The following MEA1 variants were observed in gnomAD, a reference collection of about 807,000 sequenced individuals.
MEA1 encodes male-enhanced antigen 1.
Under a neutral mutation model 21.4 loss-of-function variants are expected in MEA1, and 22 were observed. The observed-to-expected ratio is 1.03, with a 90% confidence interval of 0.73 to 1.47. MEA1 has a LOEUF of 1.47. Among genes scored for constraint, MEA1 ranks in the 40% most tolerant of loss-of-function variants. The pLI is 0.00. For synonymous variants in MEA1, 91 were observed against 85.5 expected (o/e 1.06, Z -0.35); for missense variants, 233 against 230.5 (o/e 1.01, Z -0.07).
intron 3 of MEA1, 137 bp from the exon 4 acceptor site, chr6:43,012,758 A>G: frequency 2.4e-6 from 3 of 1,245,404 alleles, no homozygotes; most frequent in Admixed American, 2.4e-5. Context: ...AAGCCTGCCC[A>G]TCCCCAAAGC....
chr6:43,015,136 T>G (rs1310752595), upstream of MEA1, among the ~76,000 whole-genome samples: 1 of 152,184 alleles, frequency 6.6e-6, no homozygotes, highest in Non-Finnish European at 1.5e-5. Flanking sequence ...ATGGAAGACT[T>G]CCATTCTTAA....
chr6:43,011,337 G>A lies in MEA1; in HGVS notation c.*1133C>T. On this transcript the variant is annotated 3_prime_UTR_variant, in exon 4 of 4. Coordinates refer to ENST00000244711, the MANE Select transcript of MEA1 (RefSeq NM_014623.4). ...ACAGCCCACACAGCCCTGGGACACT[G>A]CCCTGGCCCTCCATACTCTGCTCCC... 6.2e-7 allele frequency: 1 copy of A among 1,608,662 alleles called. No individual in the cohort carries two copies. The highest frequency in any genetic ancestry group is 8.5e-7 in the Non-Finnish European group (1 of 1,177,636).
Position 43,013,159 on chromosome 6 carries a change from C to T in MEA1, c.259G>A (p.Val87Met). 3.7e-6 allele frequency: 6 copies of T among 1,614,178 alleles called. No homozygotes were observed. Among genetic ancestry groups the T allele is most frequent in the Non-Finnish European group, 5.1e-6 (6 of 1,180,038 alleles). Residue 87 changes from valine (V) to methionine (M), a missense_variant, in exon 2 of 4, where the codon GTG becomes ATG. Transcript: ENST00000244711. ...TCAGCAACTACATCTCCATCCCCCA[C>T]TGGTGCCAGTTCCACCTCCTCTTGT... ...PEQEEVELAPVGDGDVVADIQ... is the reference protein window; with the variant it reads ...PEQEEVELAPMGDGDVVADIQ...
chr6:43,012,850 C>A (rs1343491572), intron 3 of MEA1, 76 bp downstream of exon 3: 2 of 1,427,948 alleles, frequency 1.4e-6, no homozygotes, highest in South Asian at 1.1e-5. Context: ...GGGTCTTCCT[C>A]TGAAACTTCC....
At position 43,012,451 on chromosome 6, in the gene MEA1, A is replaced by G. The variant is rs761990742; in HGVS notation, c.*19T>C. ...GTTCTGGCCTGGAATGTAGGAATAT[A>G]AGGCAGCTCTCACTGTGGTCACTTC... On this transcript the variant is annotated 3_prime_UTR_variant, in exon 4 of 4. Coordinates refer to ENST00000244711, the MANE Select transcript of MEA1 (RefSeq NM_014623.4). 29 of 1,575,910 alleles carry G rather than the reference A, an allele frequency of 1.8e-5. No individual in the cohort carries two copies. The highest frequency in any genetic ancestry group is 2.1e-5 in the Non-Finnish European group (25 of 1,163,334).
At chr6:43,014,196 T>G, upstream of MEA1, 1 of 1,358,556 alleles carries the variant, frequency 7.4e-7, no homozygotes, top group Non-Finnish European at 9.7e-7. Flanking sequence ...GGCACTTAGC[T>G]ACGACTGCAC....
At position 43,013,819 on chromosome 6, in the gene MEA1, C is replaced by A; in HGVS notation, c.-6G>T. On this transcript the variant is annotated 5_prime_UTR_variant, in exon 1 of 4. Coordinates refer to ENST00000244711, the MANE Select transcript of MEA1 (RefSeq NM_014623.4). Reference sequence around the variant, plus strand: ...AGATGCCTTTCAGGCCCCATGGGCTCCCCTCAAATGGCCCCAGCTGCAGCG... The same window carrying A: ...AGATGCCTTTCAGGCCCCATGGGCTACCCTCAAATGGCCCCAGCTGCAGCG... The A allele has an allele frequency of 6.2e-7, 1 of 1,606,242 alleles. No homozygotes were observed.
chr6:43,015,852 TAAA>T (rs561042959), upstream of MEA1, among the ~76,000 whole-genome samples: 7 of 100,552 alleles, frequency 7.0e-5, no homozygotes, highest in South Asian at 3.7e-4. Flanking sequence ...AGACTTCATC[TAAA>T]AAAAAAAAAA....
In MEA1 at chr6:43,011,556, G is replaced by A. The variant is rs1370513727; in HGVS notation, c.*914C>T. On this transcript the variant is annotated 3_prime_UTR_variant, in exon 4 of 4. Coordinates refer to ENST00000244711, the MANE Select transcript of MEA1 (RefSeq NM_014623.4). ...ACCTGGGGATGCCTGTCCCCTACCT[G>A]CTCCTCACCCACAGCTACCTGAGGC... 6 of 514,888 alleles carry A rather than the reference G, an allele frequency of 1.2e-5. No individual in the cohort carries two copies. Among genetic ancestry groups the A allele is most frequent in the Non-Finnish European group, 2.1e-5 (6 of 285,490 alleles). 31.9% of individuals were successfully genotyped at this position (514,888 alleles called of 1,614,324 possible).
chr6:43,013,445 ATCC>A, intron 1 of MEA1, 56 bp from the exon 2 acceptor site: 1 of 1,572,978 alleles, frequency 6.4e-7, no homozygotes, highest in Non-Finnish European at 8.6e-7. Flanking sequence ...GCCCATCTTC[ATCC>A]TCTCATCATC....
Position 43,012,110 on chromosome 6 carries a change from T to G in MEA1, c.*360A>C. 5.3e-6 allele frequency: 4 copies of G among 749,824 alleles called. No homozygotes were observed. The highest frequency in any genetic ancestry group is 6.6e-6 in the Non-Finnish European group (4 of 609,306). The allele number at this position is 749,824 out of a possible 1,614,324, so 46.4% of individuals were successfully genotyped here. ...AAGCATGGCTCCTGCCAACACCTAT[T>G]TATTTCCTTGTTTGTGCTATGCTGG... is the stretch of plus-strand genomic sequence containing the variant. On this transcript the variant is annotated 3_prime_UTR_variant, in exon 4 of 4. Coordinates refer to ENST00000244711, the MANE Select transcript of MEA1 (RefSeq NM_014623.4).
chr6:43,012,793 C>T, intron 3 of MEA1, 133 bp downstream of exon 3: 1 of 1,232,572 alleles, frequency 8.1e-7, no homozygotes, highest in South Asian at 1.4e-5. Context: ...TTCACTTGGA[C>T]TCTGAAGTCT....
At chr6:43,013,421 T>C (rs773425419) in intron 1 of MEA1, 32 bp from the exon 2 acceptor site, 1 of 1,603,854 alleles carries the variant, frequency 6.2e-7, no homozygotes, top group South Asian at 1.1e-5. Context: ...AGGACAGGGA[T>C]CGGATGAAAC....
At position 43,012,164 on chromosome 6, in the gene MEA1, C is replaced by T. The variant is rs563912683; in HGVS notation, c.*306G>A. On this transcript the variant is annotated 3_prime_UTR_variant, in exon 4 of 4. Coordinates refer to ENST00000244711, the MANE Select transcript of MEA1 (RefSeq NM_014623.4). Reference sequence around the variant, plus strand: ...GGCCTTCTCTTGTCCCTTATAGGTACCTTGGAGGGGCCAGGGGCTGAGGAA... The same window carrying T: ...GGCCTTCTCTTGTCCCTTATAGGTATCTTGGAGGGGCCAGGGGCTGAGGAA... 741 of 1,080,696 alleles carry T rather than the reference C, an allele frequency of 6.9e-4. No homozygotes were observed. Among genetic ancestry groups the T allele is most frequent in the Non-Finnish European group, 8.0e-4 (714 of 888,786 alleles). 66.9% of individuals were successfully genotyped at this position (1,080,696 alleles called of 1,614,324 possible). A position where few individuals can be genotyped will look rare whatever the true frequency, so the allele number is the denominator to read the frequency against.
Position 43,012,624 on chromosome 6 carries a change from G to A in MEA1, c.407-3C>T. On this transcript the variant is annotated splice_polypyrimidine_tract_variant and splice_region_variant and intron_variant, in intron 3 of 3. Transcript: ENST00000244711. ...CCTTTTCACCAGCTCTACATGTTCT[G>A]AAATCAGAGCCAGAGGCCATTCAGG... is the stretch of plus-strand genomic sequence containing the variant. 6.3e-7 allele frequency: 1 copy of A among 1,592,278 alleles called. No homozygotes were observed. The highest frequency in any genetic ancestry group is 8.5e-7 in the Non-Finnish European group (1 of 1,171,114).
At position 43,013,778 on chromosome 6, in the gene MEA1, C is replaced by A; in HGVS notation, c.28+8G>T. ...CTTCTCCCCTCTCCTAGAGGACCCC[C>A]TCTGTACCGCCTGACAGATGCCTTT... On this transcript the variant is annotated splice_region_variant and intron_variant, in intron 1 of 3. Transcript: ENST00000244711. 1.2e-6 allele frequency: 2 copies of A among 1,608,728 alleles called. No individual in the cohort carries two copies. Among genetic ancestry groups the A allele is most frequent in the East Asian group, 2.2e-5 (1 of 44,794 alleles).
chr6:43,011,323 AGCCCTGGGACACT>A lies in MEA1; in HGVS notation c.*1134_*1146del. The A allele has an allele frequency of 6.2e-7, 1 of 1,612,318 alleles. No individual in the cohort carries two copies. Among genetic ancestry groups the A allele is most frequent in the Non-Finnish European group, 8.5e-7 (1 of 1,179,618 alleles). ...CCTACCACAGGGCCACAGCCCACAC[AGCCCTGGGACACT>A]GCCCTGGCCCTCCATACTCTGCTCC... On this transcript the variant is annotated 3_prime_UTR_variant, in exon 4 of 4. Transcript: ENST00000244711.
rs746771442 is a variant in MEA1 at position 43,011,483 on chromosome 6, C to T, written c.*987G>A. The T allele has an allele frequency of 1.4e-6, 1 of 695,540 alleles. No individual in the cohort carries two copies. Among genetic ancestry groups the T allele is most frequent in the Non-Finnish European group, 2.4e-6 (1 of 425,038 alleles). The allele number at this position is 695,540 out of a possible 1,614,324, so 43.1% of individuals were successfully genotyped here. A position where few individuals can be genotyped will look rare whatever the true frequency, so the allele number is the denominator to read the frequency against. On this transcript the variant is annotated 3_prime_UTR_variant, in exon 4 of 4. Coordinates refer to ENST00000244711, the MANE Select transcript of MEA1 (RefSeq NM_014623.4). ...TTCTCCCCAAAAGGTGTTCATGCCT[C>T]CCTGTGGCTAGTACAGGCTGAGCAC... is the stretch of plus-strand genomic sequence containing the variant.
At chr6:43,014,338 C>T (rs1762502557), upstream of MEA1, 3 of 600,376 alleles carry the variant, frequency 5.0e-6, no homozygotes, top group South Asian at 3.7e-5. Flanking sequence ...CGCCCCGGCT[C>T]GGCCTGGCAG....
Sources: gnomAD v4.1 joint callset for allele counts (sites outside exome capture counted in the v4.1 genomes callset) on GRCh38, gnomAD v4.1.1 for gene constraint, MANE v1.5 for transcripts, NCBI Gene and HGNC (gene_info 2026-07-23, HGNC 2026-07-21) for gene names.